ZNF432: variants seen among roughly 807,000 people sequenced by gnomAD.
The protein encoded by ZNF432 is zinc finger protein 432.
ZNF432 carries 10 observed loss-of-function variants against 13.9 expected under a neutral mutation model. That is an observed-to-expected ratio of 0.72 (90% confidence interval 0.44 to 1.22). The LOEUF is 1.22. Ranked by LOEUF, ZNF432 falls within the 50% of genes most tolerant of loss-of-function variation. The probability of loss-of-function intolerance (pLI) is 0.00; values close to 1 mark genes in which losing one functional copy is unlikely to be tolerated. For synonymous variants in ZNF432, 247 were observed against 256.2 expected (o/e 0.96, Z 0.34); for missense variants, 793 against 796.2 (o/e 1.00, Z 0.05).
chr19:52,040,434 G>A, intron 4 of ZNF432, 54 bp downstream of exon 4: 1 of 1,496,116 alleles, frequency 6.7e-7, no homozygotes, highest in East Asian at 2.3e-5. Context: ...CACCCACAGA[G>A]CCTTCTTTCA....
chr19:52,039,074 C>T (rs890039417), intron 4 of ZNF432, among the ~76,000 whole-genome samples: 5 of 152,218 alleles, frequency 3.3e-5, no homozygotes, highest in African/African-American at 9.6e-5. Flanking sequence ...ACCAAAGGCT[C>T]AAGTGAACTT....
At chr19:52,043,278 C>A (rs901708035) in intron 2 of ZNF432, among the ~76,000 whole-genome samples, 8 of 152,216 alleles carry the variant, frequency 5.3e-5, no homozygotes, top group Non-Finnish European at 1.0e-4. Flanking sequence ...ACCCCGTGCT[C>A]TCGGAAACAT....
At chr19:52,040,720 A>G in intron 3 of ZNF432, 137 bp from the exon 4 acceptor site, 1 of 665,032 alleles carries the variant, frequency 1.5e-6, no homozygotes, top group Non-Finnish European at 2.6e-6. Context: ...AGGGCAGATT[A>G]CAGTCAGACC....
At chr19:52,048,149 A>G (rs1237502624) in intron 1 of ZNF432, among the ~76,000 whole-genome samples, 5 of 143,278 alleles carry the variant, frequency 3.5e-5, no homozygotes, top group Admixed American at 1.4e-4. Context: ...ACACACACAC[A>G]CACACACACA....
rs761468092 is a variant in ZNF432, at chr19:52,035,476, C to A, written c.239-36G>T. 3.4e-6 allele frequency: 5 copies of A among 1,463,160 alleles called. No individual in the cohort carries two copies. The African/African-American group carries it at 4.3e-5, about 12-fold the overall frequency. The allele number at this position is 1,463,160 out of a possible 1,614,324, so 90.6% of individuals were successfully genotyped here. A position where few individuals can be genotyped will look rare whatever the true frequency, so the allele number is the denominator to read the frequency against. Reference sequence around the variant, plus strand: ...AGAGAACAATGAATCCTTTTATAATCTTGTTGGGGATAAAACTGTCTTCTT... The same window carrying A: ...AGAGAACAATGAATCCTTTTATAATATTGTTGGGGATAAAACTGTCTTCTT... On this transcript the variant is annotated intron_variant, in intron 4 of 4. Coordinates refer to ENST00000221315, the MANE Select transcript of ZNF432 (RefSeq NM_014650.4).
chr19:52,046,294 T>C (rs1229864494), intron 2 of ZNF432, among the ~76,000 whole-genome samples: 1 of 152,134 alleles, frequency 6.6e-6, no homozygotes, highest in Non-Finnish European at 1.5e-5. Context: ...TTAGATTTTA[T>C]TCCTAAATAA....
At chr19:52,035,515 C>T in intron 4 of ZNF432, 75 bp from the exon 5 acceptor site, 2 of 1,227,030 alleles carry the variant, frequency 1.6e-6, no homozygotes, top group Non-Finnish European at 2.2e-6. Flanking sequence ...AAAAAAAATC[C>T]TTGGTGTTTT....
Position 52,035,283 on chromosome 19 carries a change from T to C in ZNF432, c.396A>G (p.Leu132=), listed in dbSNP as rs753503695. The C allele has an allele frequency of 1.2e-6, 2 of 1,607,090 alleles. No homozygotes were observed. The highest frequency in any genetic ancestry group is 1.1e-5 in the South Asian group (1 of 88,826). ...AATTTGATTTCAAAGTTTTTATATATAACTCAAATGTATCATGATTTTCCC... is the reference window on the plus strand; with the variant it reads ...AATTTGATTTCAAAGTTTTTATATACAACTCAAATGTATCATGATTTTCCC... ...LFRENHDTFE[L]YIKTLKSNLS... is the part of the protein sequence containing the mutation. The change falls in exon 5 of 5, where the codon TTA becomes TTG. Residue 132 remains leucine (L), a synonymous_variant. Coordinates refer to ENST00000221315, the MANE Select transcript of ZNF432 (RefSeq NM_014650.4).
At chr19:52,048,172 C>CACACACACACACAA (rs2087208209) in intron 1 of ZNF432, among the ~76,000 whole-genome samples, 1 of 146,192 alleles carries the variant, frequency 6.8e-6, no homozygotes, top group Non-Finnish European at 1.5e-5. Context: ...CACACACACA[C>CACACACACACACAA]ACACACACAC....
chr19:52,035,331 T>G lies in ZNF432; in HGVS notation c.348A>C (p.Gln116His). ...CCCTGAAAAGACAAAGGCTTTTGGT[T>G]TGAGAGGCAGTATTTCCAAATGCAT... Reference protein sequence around the residue: ...EHNAFGNTASQTKSLCLFREN... With the variant: ...EHNAFGNTASHTKSLCLFREN... Residue 116 changes from glutamine to histidine, a missense_variant, in exon 5 of 5, where the codon CAA becomes CAC. Coordinates refer to ENST00000221315, the MANE Select transcript of ZNF432 (RefSeq NM_014650.4). 6.2e-7 allele frequency: 1 copy of G among 1,612,740 alleles called. No homozygotes were observed. The highest frequency in any genetic ancestry group is 8.5e-7 in the Non-Finnish European group (1 of 1,179,726).
chr19:52,038,752 TC>T (rs2087107451), intron 4 of ZNF432, among the ~76,000 whole-genome samples: 1 of 152,256 alleles, frequency 6.6e-6, no homozygotes, highest in African/African-American at 2.4e-5. Context: ...ATGGTAATCT[TC>T]TGTGTAGTGA....
chr19:52,031,587 C>T lies in ZNF432; in HGVS notation c.*2133G>A, dbSNP rs1035539737. On this transcript the variant is annotated 3_prime_UTR_variant, in exon 5 of 5. Transcript: ENST00000221315. ...TTGCTGAGTGAACAAAGCCCTATCT[C>T]AAAGCTTGCGTACCTTACGATTCCA... 1 of 152,206 alleles carries T rather than the reference C, an allele frequency of 6.6e-6. No individual in the cohort carries two copies. Among genetic ancestry groups the T allele is most frequent in the Admixed American group, 6.5e-5 (1 of 15,278 alleles). The allele number at this position is 152,206 out of a possible 1,614,324, so 9.4% of individuals were successfully genotyped here.
Position 52,033,936 on chromosome 19 carries a change from T to C in ZNF432, c.1743A>G (p.Glu581=), listed in dbSNP as rs776531198. 1.9e-6 allele frequency: 3 copies of C among 1,613,770 alleles called. No individual in the cohort carries two copies. The highest frequency in any genetic ancestry group is 2.7e-5 in the African/African-American group (2 of 74,896). The change falls in exon 5 of 5, where the codon GAA becomes GAG. Residue 581 remains glutamate, a synonymous_variant. Transcript: ENST00000221315. Reference sequence around the variant, plus strand: ...CTTGCTTATGTAAAGCAAGCTCTGTTTCCTTGGCAAAGCCTCTTCCACATT... The same window carrying C: ...CTTGCTTATGTAAAGCAAGCTCTGTCTCCTTGGCAAAGCCTCTTCCACATT... ...CSECGRGFAK[E]TELALHKQVH...
At chr19:52,047,658 C>T (rs1163663683) in intron 1 of ZNF432, among the ~76,000 whole-genome samples, 2 of 132,626 alleles carry the variant, frequency 1.5e-5, no homozygotes. Flanking sequence ...GCGACAAAAG[C>T]AAGACTCCAT....
intron 2 of ZNF432, among the ~76,000 whole-genome samples, chr19:52,041,899 A>G (rs1160262208): frequency 6.6e-6 from 1 of 152,198 alleles, no homozygotes; most frequent in Admixed American, 6.5e-5. Context: ...TATGCTACTG[A>G]CATCTAGATA....
chr19:52,042,129 C>T (rs2087142115), intron 2 of ZNF432, among the ~76,000 whole-genome samples: 1 of 152,080 alleles, frequency 6.6e-6, no homozygotes, highest in African/African-American at 2.4e-5. Context: ...TATATGTATG[C>T]ACACATACAT....
intron 2 of ZNF432, among the ~76,000 whole-genome samples, chr19:52,043,819 T>C (rs2087157471): frequency 6.6e-6 from 1 of 152,326 alleles, no homozygotes; most frequent in East Asian, 1.9e-4. Context: ...TTACCTTGTC[T>C]ATGATGCAAA....
intron 2 of ZNF432, among the ~76,000 whole-genome samples, chr19:52,045,766 G>A (rs1262738708): frequency 2.6e-5 from 4 of 151,136 alleles, no homozygotes; most frequent in African/African-American, 7.2e-5. Flanking sequence ...AGGCCGAGGC[G>A]GGTGGATCAC....
In ZNF432 at chr19:52,046,855, T is replaced by G. The variant is rs1246479026; in HGVS notation, c.14A>C (p.Gln5Pro). ...AGAATAAAATAGAGAAAAAGTCACC[T>G]GGGCATTGATCATTTTCTTCTGTTG... The part of the protein sequence containing the change: MINA[Q>P]ELLTLEDVTV... The change falls in exon 2 of 5, where the codon CAG (glutamine) becomes CCG (proline). Residue 5 changes from glutamine (Q) to proline (P), a missense_variant and splice_region_variant. Transcript: ENST00000221315. 2 of 1,613,704 alleles carry G rather than the reference T, an allele frequency of 1.2e-6. No individual in the cohort carries two copies. Among genetic ancestry groups the G allele is most frequent in the Non-Finnish European group, 1.7e-6 (2 of 1,179,756 alleles).
Sources: allele counts gnomAD v4.1 joint callset (sites outside exome capture counted in the v4.1 genomes callset), GRCh38; gene constraint gnomAD v4.1.1; transcripts MANE v1.5; gene names NCBI Gene and HGNC (gene_info 2026-07-23, HGNC 2026-07-21).